The following USP47 variants were observed in gnomAD, a reference collection of about 807,000 sequenced individuals.
USP47 encodes ubiquitin carboxyl-terminal hydrolase 47.
USP47 carries 35 observed loss-of-function variants against 165.1 expected under a neutral mutation model. The observed-to-expected ratio is 0.21, with a 90% CI of 0.16 to 0.28. The LOEUF (loss-of-function observed/expected upper bound fraction) is 0.28. USP47 is among the 10% of genes least tolerant of loss of function. USP47 has a pLI of 1.00. For missense variants in USP47, 1,277 were observed against 1,607.4 expected, an observed-to-expected ratio of 0.79 and a Z score of 3.52; for synonymous variants, 531 against 544.5, an observed-to-expected ratio of 0.98 and a Z score of 0.35.
intron 4 of USP47, among the ~76,000 whole-genome samples, chr11:11,893,119 T>G (rs923188948): frequency 6.6e-6 from 1 of 152,196 alleles, no homozygotes; most frequent in African/African-American, 2.4e-5. Context: ...ATTGAGCAAG[T>G]AAAATGGCTT....
chr11:11,956,308 C>A lies in USP47; in HGVS notation c.*133C>A. 1.2e-6 allele frequency: 1 copy of A among 847,002 alleles called. No homozygotes were observed. Among genetic ancestry groups the A allele is most frequent in the Non-Finnish European group, 1.8e-6 (1 of 559,638 alleles). 52.5% of individuals were successfully genotyped at this position (847,002 alleles called of 1,614,324 possible). On this transcript the variant is annotated 3_prime_UTR_variant, in exon 28 of 28. Coordinates refer to ENST00000527733, the MANE Select transcript of USP47 (RefSeq NM_001282659.2). ...CACCAGCACTGATTGGACTGCCCTA[C>A]ACCAATCAGAAGCTCAGTGCCCAAT... is the stretch of plus-strand genomic sequence containing the variant.
chr11:11,893,695 G>A (rs989393766), intron 4 of USP47, among the ~76,000 whole-genome samples: 1 of 152,024 alleles, frequency 6.6e-6, no homozygotes, highest in South Asian at 2.1e-4. Flanking sequence ...GGGGAATACA[G>A]GTGTGCATCA....
intron 5 of USP47, among the ~76,000 whole-genome samples, chr11:11,898,702 C>T (rs1467974532): frequency 2.6e-5 from 4 of 152,086 alleles, no homozygotes; most frequent in Middle Eastern, 3.4e-3. Context: ...AGCCAAATAC[C>T]ATTAGAGTTT....
intron 1 of USP47, among the ~76,000 whole-genome samples, chr11:11,854,456 A>C (rs1355435793): frequency 6.8e-6 from 1 of 146,820 alleles, no homozygotes; most frequent in African/African-American, 2.4e-5. Context: ...TGGGAAGATT[A>C]AATGAGTTAA....
At chr11:11,948,682 T>TTGGGCTAAACAGAG in intron 22 of USP47, 124 bp downstream of exon 22, 1 of 810,552 alleles carries the variant, frequency 1.2e-6, no homozygotes, top group African/African-American at 1.7e-5. Context: ...TTCTGGGCCT[T>TTGGGCTAAACAGAG]GCAGTTTAGC....
chr11:11,932,308 G>A (rs182258232), intron 14 of USP47, among the ~76,000 whole-genome samples: 178 of 152,220 alleles, frequency 1.2e-3, no homozygotes, highest in African/African-American at 4.1e-3. Flanking sequence ...TCCAGTATTG[G>A]GGATTCCAAT....
chr11:11,902,730 A>C lies in USP47; in HGVS notation c.609A>C (p.Glu203Asp). ...ATTTTAATAGGTGGGAATTTGAAGA[A>C]TCTGAAGAAGATCCAGTGACAAGTA... Reference protein sequence around the residue: ...RNALYKWEFEESEEDPVTSIP... With the variant: ...RNALYKWEFEDSEEDPVTSIP... Residue 203 changes from glutamate to aspartate, a missense_variant, in exon 6 of 28, where the codon GAA (glutamate) becomes GAC (aspartate). Coordinates refer to ENST00000527733, the MANE Select transcript of USP47 (RefSeq NM_001282659.2). 6.4e-7 allele frequency: 1 copy of C among 1,564,558 alleles called. No individual in the cohort carries two copies. The highest frequency in any genetic ancestry group is 1.3e-5 in the South Asian group (1 of 77,844).
At chr11:11,906,377 A>G (rs562800823) in intron 8 of USP47, among the ~76,000 whole-genome samples, 6 of 152,296 alleles carry the variant, frequency 3.9e-5, no homozygotes, top group African/African-American at 7.2e-5. Context: ...TTATGTTGTT[A>G]TTAAACTGAT....
chr11:11,874,527 TAAAATA>T (rs1850266376), intron 1 of USP47, among the ~76,000 whole-genome samples: 1 of 152,042 alleles, frequency 6.6e-6, no homozygotes, highest in African/African-American at 2.4e-5. Context: ...TGTTACTTGT[TAAAATA>T]AAAATGAAGA....
intron 2 of USP47, among the ~76,000 whole-genome samples, chr11:11,881,859 C>T (rs925925533): frequency 6.6e-5 from 10 of 152,058 alleles, no homozygotes; most frequent in African/African-American, 1.7e-4. Context: ...AAGGCCCCAA[C>T]GCTTAATATC....
chr11:11,913,613 A>T (rs112677319), intron 8 of USP47, among the ~76,000 whole-genome samples: 3,573 of 152,150 alleles, frequency 0.023, 132 homozygotes, highest in African/African-American at 0.082. Flanking sequence ...GGCTGGGAAC[A>T]GTGTGTTTGA....
intron 20 of USP47, among the ~76,000 whole-genome samples, chr11:11,946,722 A>G (rs1274912460): frequency 1.3e-5 from 2 of 151,764 alleles, no homozygotes; most frequent in Non-Finnish European, 2.9e-5. Flanking sequence ...ATAGAGGGGC[A>G]CTCCTTAAAG....
intron 3 of USP47, among the ~76,000 whole-genome samples, chr11:11,887,516 A>T (rs1851240184): frequency 6.6e-6 from 1 of 152,230 alleles, no homozygotes; most frequent in South Asian, 2.1e-4. Flanking sequence ...ATCCAACAAG[A>T]AGAGCTAACT....
At chr11:11,866,989 C>G (rs1343355406) in intron 1 of USP47, among the ~76,000 whole-genome samples, 1 of 152,084 alleles carries the variant, frequency 6.6e-6, no homozygotes, top group Non-Finnish European at 1.5e-5. Context: ...CTTCTGCCTC[C>G]CAGGTTCAAG....
chr11:11,929,781 T>G (rs1590401875), intron 12 of USP47, among the ~76,000 whole-genome samples: 1 of 152,120 alleles, frequency 6.6e-6, no homozygotes, highest in East Asian at 1.9e-4. Flanking sequence ...GCTGAATATC[T>G]CCAGAGATAG....
At chr11:11,862,172 T>C (rs1849422142) in intron 1 of USP47, among the ~76,000 whole-genome samples, 1 of 152,146 alleles carries the variant, frequency 6.6e-6, no homozygotes. Flanking sequence ...ATTACAGAAT[T>C]TTCTGTTTCA....
chr11:11,945,940 CA>C (rs1415442069), intron 20 of USP47, among the ~76,000 whole-genome samples: 11 of 128,350 alleles, frequency 8.6e-5, no homozygotes, highest in Admixed American at 8.7e-5. Context: ...GTCCCCCCCC[CA>C]AAAAAAAAAG....
At chr11:11,877,692 A>G (rs920304453) in intron 1 of USP47, among the ~76,000 whole-genome samples, 3 of 152,146 alleles carry the variant, frequency 2.0e-5, no homozygotes, top group African/African-American at 4.8e-5. Context: ...ATTGCATGAT[A>G]TAAGAAAGAT....
chr11:11,892,806 C>A lies in USP47; in HGVS notation c.496+700C>A, dbSNP rs572460634. 1.6e-3 allele frequency among the ~76,000 whole-genome samples: 219 copies of A among 138,202 alleles called. 1 individual carries two copies. The highest frequency in any genetic ancestry group is 2.8e-3 in the South Asian group (12 of 4,348). 90.7% of individuals were successfully genotyped at this position (138,202 alleles called of 152,430 possible). On this transcript the variant is annotated intron_variant, in intron 4 of 27. Coordinates refer to ENST00000527733, the MANE Select transcript of USP47 (RefSeq NM_001282659.2). ...ACTCAGCTTGGGTGATTGATTGAGA[C>A]CCTGTCTCAAGTAAAAAAAAAAAAA... is the stretch of plus-strand genomic sequence containing the variant.
Sources: allele counts gnomAD v4.1 joint callset (sites outside exome capture counted in the v4.1 genomes callset), GRCh38; gene constraint gnomAD v4.1.1; transcripts MANE v1.5; gene names NCBI Gene and HGNC (gene_info 2026-07-23, HGNC 2026-07-21).